D2HGDH: variants seen among roughly 807,000 people sequenced by gnomAD.
D2HGDH encodes D-2-hydroxyglutarate dehydrogenase, mitochondrial.
In D2HGDH, 31 loss-of-function variants were observed where a neutral mutation model predicts 46.9. That is an observed-to-expected ratio of 0.66 (90% CI 0.50 to 0.89). The LOEUF (loss-of-function observed/expected upper bound fraction) is 0.89, where lower values mean the gene tolerates loss of function less well. Among genes scored for constraint, D2HGDH ranks in the 40% least tolerant of loss-of-function variants. The pLI is 0.00. For missense variants in D2HGDH, 698 were observed against 720.8 expected (o/e 0.97, Z 0.36); for synonymous variants, 364 against 332.6 (o/e 1.09, Z -1.03).
At chr2:241,759,345 G>A (rs1294014502) in intron 9 of D2HGDH, among the ~76,000 whole-genome samples, 1 of 152,206 alleles carries the variant, frequency 6.6e-6, no homozygotes, top group African/African-American at 2.4e-5. Flanking sequence ...TGTTCTTAGG[G>A]GCATAGGACA....
chr2:241,753,048 C>G (rs541504090), intron 8 of D2HGDH, among the ~76,000 whole-genome samples: 1 of 152,094 alleles, frequency 6.6e-6, no homozygotes, highest in South Asian at 2.1e-4. Context: ...TGCCCAGAGC[C>G]GGGTTCATGA....
Position 241,743,605 on chromosome 2 carries a change from C to G in D2HGDH, c.491-17C>G, listed in dbSNP as rs770596893. ...ACTGGAAGCCAAGTGCTGCGGCAGC[C>G]TGGTCACTCTCTGCAGGAATTCTGG... On this transcript the variant is annotated splice_polypyrimidine_tract_variant and intron_variant, in intron 4 of 9. Transcript: ENST00000321264. The surrounding 1 kb of genome is among the most constrained non-coding windows in gnomAD (Gnocchi z 4.8). The G allele has an allele frequency of 1.2e-6, 2 of 1,610,654 alleles. No individual in the cohort carries two copies. The highest frequency in any genetic ancestry group is 4.5e-5 in the East Asian group (2 of 44,838).
intron 6 of D2HGDH, chr2:241,749,773 C>T (rs1399034878): frequency 2.8e-6 from 1 of 355,964 alleles, no homozygotes; most frequent in African/African-American, 2.1e-5. Context: ...GCACCTGTCC[C>T]TCCTGATCTG....
At chr2:241,763,586 C>T (rs908003783) in intron 9 of D2HGDH, among the ~76,000 whole-genome samples, 1 of 152,150 alleles carries the variant, frequency 6.6e-6, no homozygotes, top group African/African-American at 2.4e-5. Flanking sequence ...CCACACTAAA[C>T]TGATATTAAC....
chr2:241,755,891 C>T lies in D2HGDH; in HGVS notation c.1183C>T (p.Arg395Trp), dbSNP rs149628174. 543 of 1,613,182 alleles carry T rather than the reference C, an allele frequency of 3.4e-4. 4 individuals are homozygous for T. The East Asian group carries it at 9.1e-3, about 27-fold the overall frequency. Residue 395 changes from arginine (R) to tryptophan (W), a missense_variant, in exon 9 of 10, where the codon CGG (arginine) becomes TGG (tryptophan). By Grantham distance (101) the Arg-to-Trp change is moderately radical (BLOSUM62 -3). Transcript: ENST00000321264. ...GGAAAGGATCACAGAGGCGCTGAGC[C>T]GGGATGGCTACGTGTACAAGTACGA... ...LRERITEALS[R>W]DGYVYKYDLS...
chr2:241,762,103 G>T lies in D2HGDH; in HGVS notation c.1307-5607G>T, dbSNP rs1253981714. On this transcript the variant is annotated intron_variant, in intron 9 of 9. Transcript: ENST00000321264. ...TTTTTTTTTTTTGAGATGGAGTCCC[G>T]CTCTGTCACCCAGGCTGGAGTGCAG... 3.3e-5 allele frequency among the ~76,000 whole-genome samples: 4 copies of T among 120,608 alleles called. No homozygotes were observed. The Admixed American group carries it at 4.4e-4, about 13-fold the overall frequency. The allele number at this position is 120,608 out of a possible 152,430, so 79.1% of individuals were successfully genotyped here.
At chr2:241,752,951 C>T (rs1009975290) in intron 8 of D2HGDH, among the ~76,000 whole-genome samples, 3 of 151,046 alleles carry the variant, frequency 2.0e-5, no homozygotes, top group African/African-American at 7.3e-5. Context: ...CCAGGGCGGA[C>T]TGTCCCCAAC....
Position 241,742,704 on chromosome 2 carries a change from C to A in D2HGDH, c.490+130C>A. ...TTAGGGCCGGCGCTGGGGAAAGAAC[C>A]AGCGTCTGTAGCCTGGCCGCCTAGC... is the stretch of plus-strand genomic sequence containing the variant. On this transcript the variant is annotated intron_variant, in intron 4 of 9. Coordinates refer to ENST00000321264, the MANE Select transcript of D2HGDH (RefSeq NM_152783.5). The surrounding 1 kb of genome is among the most constrained non-coding windows in gnomAD (Gnocchi z 4.8). 2 of 1,245,946 alleles carry A rather than the reference C, an allele frequency of 1.6e-6. No homozygotes were observed. Among genetic ancestry groups the A allele is most frequent in the Middle Eastern group, 2.2e-4 (1 of 4,640 alleles). 77.2% of individuals were successfully genotyped at this position (1,245,946 alleles called of 1,614,324 possible).
chr2:241,750,269 T>C lies in D2HGDH; in HGVS notation c.972T>C (p.His324=). The C allele has an allele frequency of 3.7e-6, 6 of 1,613,640 alleles. No homozygotes were observed. Among genetic ancestry groups the C allele is most frequent in the Non-Finnish European group, 5.1e-6 (6 of 1,180,000 alleles). The change falls in exon 7 of 10, where the codon CAT becomes CAC. Residue 324 remains histidine, a synonymous_variant. Transcript: ENST00000321264. ...TGTGCATGCAGCTGGTCGGGCGCCA[T>C]CTCCACCTGGCCAGCCCGGTGCAAG... The part of the protein sequence containing the change: ...DAVCMQLVGR[H]LHLASPVQES...
rs1459755788 is a variant in D2HGDH, at chr2:241,759,578, AG to A, written c.1306+3566del. ...GTGTTTCTTGTGGACGCCCCCGGAC[AG>A]GTTTCTTGCGTACTTGTTTGCCGTC... is the stretch of plus-strand genomic sequence containing the variant. On this transcript the variant is annotated intron_variant, in intron 9 of 9. Transcript: ENST00000321264. Among the ~76,000 whole-genome samples, 36 of 152,220 alleles carry A rather than the reference AG, an allele frequency of 2.4e-4. 1 individual carries two copies. Among genetic ancestry groups the A allele is most frequent in the Admixed American group, 2.0e-3 (31 of 15,288 alleles).
At chr2:241,755,562 G>C in intron 8 of D2HGDH, 1 of 1,434,094 alleles carries the variant, frequency 7.0e-7, no homozygotes, top group Non-Finnish European at 9.3e-7. Flanking sequence ...AGGGTGCTCG[G>C]TGCTGTCGTG....
chr2:241,747,979 C>T (rs1487186593), intron 6 of D2HGDH, among the ~76,000 whole-genome samples: 1 of 152,170 alleles, frequency 6.6e-6, no homozygotes, highest in Admixed American at 6.5e-5. Flanking sequence ...GTGGGGGTCT[C>T]CTGGATTCCT....
In D2HGDH at chr2:241,744,744, C is replaced by A. The variant is rs147210645; in HGVS notation, c.720C>A (p.Thr240=). 7,012 of 1,614,236 alleles carry A rather than the reference C, an allele frequency of 4.3e-3. 23 individuals are homozygous for A. The highest frequency in any genetic ancestry group is 5.1e-3 in the Non-Finnish European group (5,987 of 1,180,044). Reference sequence around the variant, plus strand: ...ACGGCACTGTCCTGGACTGCCTGACCTCCCTGAGGAAGGACAACACGGGCT... The same window carrying A: ...ACGGCACTGTCCTGGACTGCCTGACATCCCTGAGGAAGGACAACACGGGCT... ...LADGTVLDCL[T]SLRKDNTGYD... The change falls in exon 6 of 10, where the codon ACC becomes ACA. Residue 240 remains threonine, a synonymous_variant. Coordinates refer to ENST00000321264, the MANE Select transcript of D2HGDH (RefSeq NM_152783.5).
intron 6 of D2HGDH, 97 bp downstream of exon 6, chr2:241,744,974 C>T: frequency 1.3e-6 from 2 of 1,523,434 alleles, no homozygotes; most frequent in South Asian, 1.1e-5. Context: ...ATGGAGGGAC[C>T]CCCCGCCAAG....
intron 2 of D2HGDH, 22 bp from the exon 3 acceptor site, chr2:241,741,011 T>C (rs746408987): frequency 6.2e-7 from 1 of 1,611,168 alleles, no homozygotes; most frequent in African/African-American, 1.3e-5. Flanking sequence ...CGCTGTCTCA[T>C]AGGATCTTCT....
At chr2:241,751,164 C>G (rs1575285508) in intron 7 of D2HGDH, 82 bp from the exon 8 acceptor site, 1 of 1,590,806 alleles carries the variant, frequency 6.3e-7, no homozygotes, top group Non-Finnish European at 8.6e-7. Context: ...GTTGCTATTA[C>G]AGCTGTTCTG....
At chr2:241,757,987 T>C (rs1422780040) in intron 9 of D2HGDH, among the ~76,000 whole-genome samples, 1 of 149,756 alleles carries the variant, frequency 6.7e-6, no homozygotes, top group Admixed American at 6.6e-5. Context: ...CAAGAATGAA[T>C]GTTGAATTTT....
Position 241,743,020 on chromosome 2 carries a change from C to G in D2HGDH, c.490+446C>G, listed in dbSNP as rs371523844. Among the ~76,000 whole-genome samples the G allele has an allele frequency of 2.3e-5, 2 of 86,952 alleles. No individual in the cohort carries two copies. 57.0% of individuals were successfully genotyped at this position (86,952 alleles called of 152,430 possible). A position where few individuals can be genotyped will look rare whatever the true frequency, so the allele number is the denominator to read the frequency against. On this transcript the variant is annotated intron_variant, in intron 4 of 9. Transcript: ENST00000321264. The surrounding 1 kb of genome is among the most constrained non-coding windows in gnomAD (Gnocchi z 4.8). The stretch of plus-strand genomic sequence containing the variant: ...GGCATGAGGGGATCCTGACCCAGGG[C>G]GCCAGGGCGTGGCAGGCGTGAGGGG...
intron 9 of D2HGDH, among the ~76,000 whole-genome samples, chr2:241,757,703 A>G (rs1698320803): frequency 6.6e-6 from 1 of 152,192 alleles, no homozygotes; most frequent in South Asian, 2.1e-4. Context: ...CATGCCTGTA[A>G]TCCCAGCACT....
Sources: allele counts gnomAD v4.1 joint callset (sites outside exome capture counted in the v4.1 genomes callset), GRCh38; gene constraint gnomAD v4.1.1; non-coding constraint Gnocchi (gnomAD v3.1); transcripts MANE v1.5; gene names NCBI Gene and HGNC (gene_info 2026-07-23, HGNC 2026-07-21).